Variants in RINT1 observed in about 807,000 individuals in gnomAD.
RINT1 encodes the protein RAD50 interactor 1.
RINT1 carries 75 observed loss-of-function variants against 97.7 expected under a neutral mutation model. That is an observed-to-expected ratio of 0.77 (90% confidence interval 0.64 to 0.93). The LOEUF is 0.93. RINT1 is among the 40% of genes least tolerant of loss of function. The probability of loss-of-function intolerance (pLI) is 0.00; values close to 1 mark genes in which losing one functional copy is unlikely to be tolerated. For synonymous variants in RINT1, 303 were observed against 326.3 expected (o/e 0.93, Z 0.77); for missense variants, 892 against 925.2 (o/e 0.96, Z 0.47).
At chr7:105,534,657 G>A (rs952593951) in intron 2 of RINT1, among the ~76,000 whole-genome samples, 4 of 151,610 alleles carry the variant, frequency 2.6e-5, no homozygotes, top group Non-Finnish European at 5.9e-5. Context: ...TTGTTTTCTA[G>A]TTGGAAAATT....
rs558029775 is a variant in RINT1, at chr7:105,551,461, G to A, written c.1334-109G>A. On this transcript the variant is annotated intron_variant, in intron 9 of 14. Transcript: ENST00000257700. ...TAGTACAACCAGTGGGATATTGTAG[G>A]TTTGTTTCTTTTTTATAGAAAAGCC... is the stretch of plus-strand genomic sequence containing the variant. 5.3e-6 allele frequency: 5 copies of A among 950,684 alleles called. No homozygotes were observed. The South Asian group carries it at 1.0e-4, about 19-fold the overall frequency. The allele number at this position is 950,684 out of a possible 1,614,324, so 58.9% of individuals were successfully genotyped here. A position where few individuals can be genotyped will look rare whatever the true frequency, so the allele number is the denominator to read the frequency against.
rs371226458 is a variant in RINT1, at chr7:105,563,757, G to A, written c.1696G>A (p.Ala566Thr). Reference sequence around the variant, plus strand: ...GTTCTTTCTACAACTTCAACAGGCTGCACTGGAGGTGTTTGCAGAGAATAA... The same window carrying A: ...GTTCTTTCTACAACTTCAACAGGCTACACTGGAGGTGTTTGCAGAGAATAA... Reference protein sequence around the residue: ...NVFFLQLQQAALEVFAENNTL... With the variant: ...NVFFLQLQQATLEVFAENNTL... The change falls in exon 12 of 15, where the codon GCA becomes ACA. Residue 566 changes from alanine to threonine, a missense_variant. Coordinates refer to ENST00000257700, the MANE Select transcript of RINT1 (RefSeq NM_021930.6). 26 of 1,614,018 alleles carry A rather than the reference G, an allele frequency of 1.6e-5. No individual in the cohort carries two copies. In the African/African-American group the frequency reaches 3.5e-4, roughly 22 times the overall value.
At position 105,536,727 on chromosome 7, in the gene RINT1, G is replaced by A. The variant is rs1017536954; in HGVS notation, c.251G>A (p.Ser84Asn). ...AAACTCATAGAACAGAGGACAGTAA[G>A]TAAAATGCAGTTAGAAGAACAGGTA... ...LDKLIEQRTV[S>N]KMQLEEQVLT... The change falls in exon 3 of 15, where the codon AGT (serine) becomes AAT (asparagine). Residue 84 changes from serine (S) to asparagine (N), a missense_variant. By Grantham distance (46) the Ser-to-Asn change is conservative. Coordinates refer to ENST00000257700, the MANE Select transcript of RINT1 (RefSeq NM_021930.6). 1.3e-6 allele frequency: 2 copies of A among 1,596,322 alleles called. No homozygotes were observed. Among genetic ancestry groups the A allele is most frequent in the African/African-American group, 1.3e-5 (1 of 74,228 alleles).
At chr7:105,563,980 C>T in intron 12 of RINT1, 33 bp downstream of exon 12, 3 of 1,488,806 alleles carry the variant, frequency 2.0e-6, no homozygotes, top group Non-Finnish European at 2.8e-6. Context: ...CTCTTAACAC[C>T]AGTTTGGTAA....
chr7:105,556,728 G>A (rs12538052), intron 11 of RINT1, among the ~76,000 whole-genome samples: 12,025 of 151,912 alleles, frequency 0.079, 512 homozygotes, highest in East Asian at 0.12. Context: ...CCTACTGACA[G>A]ACTTGATATG....
chr7:105,549,380 C>A, intron 7 of RINT1, among the ~76,000 whole-genome samples: 1 of 151,176 alleles, frequency 6.6e-6, no homozygotes, highest in East Asian at 2.0e-4. Context: ...CGAAGTTTCA[C>A]TCTTGTTGCC....
At position 105,567,616 on chromosome 7, in the gene RINT1, C is replaced by A; in HGVS notation, c.*305C>A. The A allele has an allele frequency of 1.8e-6, 1 of 557,296 alleles. No homozygotes were observed. The highest frequency in any genetic ancestry group is 3.2e-6 in the Non-Finnish European group (1 of 316,862). 34.5% of individuals were successfully genotyped at this position (557,296 alleles called of 1,614,324 possible). ...TATAACCAACTTTCAATTTCCTGTG[C>A]TAATTAAGGGAAATTCTGTTGTGGA... On this transcript the variant is annotated 3_prime_UTR_variant, in exon 15 of 15. Coordinates refer to ENST00000257700, the MANE Select transcript of RINT1 (RefSeq NM_021930.6).
intron 7 of RINT1, among the ~76,000 whole-genome samples, chr7:105,549,245 C>T (rs1790819492): frequency 6.6e-6 from 1 of 152,078 alleles, no homozygotes. Context: ...ACTTAGCCTC[C>T]CAAAGTGCTG....
intron 4 of RINT1, among the ~76,000 whole-genome samples, chr7:105,545,530 A>G (rs58209060): frequency 7.1e-6 from 1 of 140,146 alleles, no homozygotes; most frequent in African/African-American, 2.6e-5. Context: ...ATATATATAT[A>G]TTTTTTTTTT....
At chr7:105,544,684 C>G (rs748757011) in intron 4 of RINT1, among the ~76,000 whole-genome samples, 22 of 152,180 alleles carry the variant, frequency 1.4e-4, no homozygotes, top group Admixed American at 5.9e-4. Context: ...ATCTGCCTGC[C>G]TTGGCCTCCC....
chr7:105,553,208 A>G (rs1225571898), intron 10 of RINT1, among the ~76,000 whole-genome samples: 2 of 151,656 alleles, frequency 1.3e-5, no homozygotes, highest in Non-Finnish European at 2.9e-5. Flanking sequence ...AAAATTTCAG[A>G]CATCTCATCA....
chr7:105,541,348 G>C (rs991421070), intron 3 of RINT1, among the ~76,000 whole-genome samples: 7 of 150,858 alleles, frequency 4.6e-5, no homozygotes, highest in Non-Finnish European at 8.9e-5. Context: ...TGTTGGCCAG[G>C]CTGGTCTTGA....
Position 105,565,590 on chromosome 7 carries a change from C to T in RINT1, c.2128C>T (p.Arg710Trp), listed in dbSNP as rs777291719. The T allele has an allele frequency of 5.0e-6, 8 of 1,613,762 alleles. No homozygotes were observed. The Admixed American group carries it at 6.7e-5, about 13-fold the overall frequency. Reference sequence around the variant, plus strand: ...AGCCCAGCTGCAGTTTGATATGACTCGGAATCTTTTCCCTTTGTTTTCTCA... The same window carrying T: ...AGCCCAGCTGCAGTTTGATATGACTTGGAATCTTTTCCCTTTGTTTTCTCA... ...GAAQLQFDMTRNLFPLFSHYC... is the reference protein window; with the variant it reads ...GAAQLQFDMTWNLFPLFSHYC... Residue 710 changes from arginine (R) to tryptophan (W), a missense_variant, in exon 14 of 15, where the codon CGG becomes TGG. Physicochemically the swap from Arg to Trp is moderately radical, Grantham distance 101. Coordinates refer to ENST00000257700, the MANE Select transcript of RINT1 (RefSeq NM_021930.6).
At chr7:105,550,522 G>T in intron 9 of RINT1, 36 bp downstream of exon 9, 2 of 1,417,126 alleles carry the variant, frequency 1.4e-6, no homozygotes, top group Non-Finnish European at 2.0e-6. Flanking sequence ...AGGGAGATAT[G>T]TCTGTTTCTG....
intron 11 of RINT1, among the ~76,000 whole-genome samples, chr7:105,557,233 TAAAC>T (rs556883750): frequency 9.9e-4 from 150 of 152,080 alleles, no homozygotes; most frequent in Non-Finnish European, 1.6e-3. Flanking sequence ...AACAGAAAGG[TAAAC>T]AAGACAAATG....
At position 105,561,075 on chromosome 7, in the gene RINT1, G is replaced by A. The variant is rs567869691; in HGVS notation, c.1672-2658G>A. 1.4e-3 allele frequency among the ~76,000 whole-genome samples: 205 copies of A among 149,024 alleles called. 1 individual carries two copies. The highest frequency in any genetic ancestry group is 5.0e-3 in the African/African-American group (201 of 39,920). The stretch of plus-strand genomic sequence containing the variant: ...AATAATGGCTTATGATGTGTTCACG[G>A]CCTAATGCTATTCAGAGTTTTAGAG... On this transcript the variant is annotated intron_variant, in intron 11 of 14. Transcript: ENST00000257700.
intron 4 of RINT1, among the ~76,000 whole-genome samples, chr7:105,546,169 G>A (rs1790660644): frequency 6.6e-6 from 1 of 152,146 alleles, no homozygotes; most frequent in Non-Finnish European, 1.5e-5. Flanking sequence ...AAGTTCAGCT[G>A]GGCAAAGTAT....
chr7:105,551,806 C>G (rs936283251), intron 10 of RINT1, 99 bp downstream of exon 10: 1 of 978,826 alleles, frequency 1.0e-6, no homozygotes, highest in Non-Finnish European at 1.5e-6. Flanking sequence ...TGGCTCATGC[C>G]TGTAATCCTA....
At position 105,541,906 on chromosome 7, in the gene RINT1, TA is replaced by T. The variant is rs79955880; in HGVS notation, c.274-501del. 887 of 153,104 alleles carry T rather than the reference TA, an allele frequency of 5.8e-3. 15 individuals carry two copies. The highest frequency in any genetic ancestry group is 0.035 in the East Asian group (183 of 5,198). The allele number at this position is 153,104 out of a possible 1,614,324, so 9.5% of individuals were successfully genotyped here. A position where few individuals can be genotyped will look rare whatever the true frequency, so the allele number is the denominator to read the frequency against. On this transcript the variant is annotated intron_variant, in intron 3 of 14. Transcript: ENST00000257700. ...GTATGTGTATATGTATGTATGCATA[TA>T]TTTTTTATTTTATTTTTATTTTTTT...
Sources: gnomAD v4.1 joint callset for allele counts (sites outside exome capture counted in the v4.1 genomes callset) on GRCh38, gnomAD v4.1.1 for gene constraint, MANE v1.5 for transcripts, NCBI Gene and HGNC (gene_info 2026-07-23, HGNC 2026-07-21) for gene names.